The following RIF1 variants were observed in gnomAD, a reference collection of about 807,000 sequenced individuals.
RIF1 encodes replication timing regulatory factor 1.
A neutral mutation model predicts 247.1 loss-of-function variants in RIF1; 45 were observed. That is an observed-to-expected ratio of 0.18 (90% CI 0.14 to 0.23). The LOEUF is 0.23. Ranked by LOEUF, RIF1 falls within the 10% of genes least tolerant of loss-of-function variation. The probability of loss-of-function intolerance (pLI) is 1.00; values close to 1 mark genes in which losing one functional copy is unlikely to be tolerated. For synonymous variants in RIF1, 1,087 were observed against 978.8 expected (o/e 1.11, Z -2.06); for missense variants, 2,967 against 2,862.5 (o/e 1.04, Z -0.83).
At chr2:151,505,649 G>A (rs1352232779) in intron 12 of RIF1, 6 of 1,204,370 alleles carry the variant, frequency 5.0e-6, no homozygotes, top group Admixed American at 1.7e-5. Context: ...CATGTTTTTT[G>A]TAGCCCCCAA....
chr2:151,532,821 T>C, the RIF1 span, among the ~76,000 whole-genome samples: 1 of 152,200 alleles, frequency 6.6e-6, no homozygotes, highest in Non-Finnish European at 1.5e-5. Flanking sequence ...TCACTGTTTA[T>C]TGCTGCATCA....
At chr2:151,508,736 A>G (rs1409484359), downstream of RIF1, among the ~76,000 whole-genome samples, 1 of 152,180 alleles carries the variant, frequency 6.6e-6, no homozygotes, top group Non-Finnish European at 1.5e-5. Context: ...GAGCACTACT[A>G]AGGCCAGCTG....
At chr2:151,501,473 T>C in intron 11 of RIF1, 1 of 1,515,194 alleles carries the variant, frequency 6.6e-7, no homozygotes, top group Non-Finnish European at 8.9e-7. Flanking sequence ...CAAGTTCTCT[T>C]TGTACAATAT....
rs746031384 is a variant in RIF1 at position 151,493,776 on chromosome 2, G to A, written c.*416-1453G>A. 58 of 1,562,146 alleles carry A rather than the reference G, an allele frequency of 3.7e-5. No individual in the cohort carries two copies. The highest frequency in any genetic ancestry group is 1.2e-4 in the African/African-American group (9 of 74,026). Reference sequence around the variant, plus strand: ...ATTTATTTTTCCTTTCTAAAATACCGAGCTAAAGTTTTCTTGATTGCGTTT... The same window carrying A: ...ATTTATTTTTCCTTTCTAAAATACCAAGCTAAAGTTTTCTTGATTGCGTTT... On this transcript the variant is annotated intron_variant and NMD_transcript_variant, in intron 9 of 13. Transcript: ENST00000454583.
At chr2:151,432,381 C>T (rs1464169566) in intron 9 of RIF1, among the ~76,000 whole-genome samples, 1 of 152,140 alleles carries the variant, frequency 6.6e-6, no homozygotes, top group African/African-American at 2.4e-5. Context: ...CAGTCTTACT[C>T]ATTTGGCATA....
At chr2:151,495,587 CATAT>C (rs1401484666) in intron 10 of RIF1, among the ~76,000 whole-genome samples, 1 of 152,030 alleles carries the variant, frequency 6.6e-6, no homozygotes, top group East Asian at 1.9e-4. Flanking sequence ...AATTTACAAC[CATAT>C]ATAATGTCAC....
chr2:151,509,999 C>T (rs551325251), downstream of RIF1, among the ~76,000 whole-genome samples: 17 of 152,192 alleles, frequency 1.1e-4, no homozygotes, highest in Non-Finnish European at 2.4e-4. Flanking sequence ...CAGAGCTTAC[C>T]TTTTAAGCTA....
intron 3 of RIF1, among the ~76,000 whole-genome samples, chr2:151,414,088 G>A (rs1573841380): frequency 6.6e-6 from 1 of 152,262 alleles, no homozygotes; most frequent in African/African-American, 2.4e-5. Context: ...TGAGGCGGGT[G>A]GATCACCTGA....
chr2:151,459,129 G>C (rs550385318), intron 25 of RIF1, among the ~76,000 whole-genome samples: 3 of 152,220 alleles, frequency 2.0e-5, no homozygotes, highest in Admixed American at 2.0e-4. Flanking sequence ...TTGAACTCGG[G>C]TACCTCATCT....
At chr2:151,496,868 A>C in intron 10 of RIF1, 4 of 1,419,110 alleles carry the variant, frequency 2.8e-6, no homozygotes, top group Non-Finnish European at 3.9e-6. Flanking sequence ...AATAGGATTA[A>C]TATGTATTAT....
chr2:151,437,448 T>C, intron 13 of RIF1, 97 bp downstream of exon 13: 1 of 922,330 alleles, frequency 1.1e-6, no homozygotes, highest in Non-Finnish European at 1.7e-6. Flanking sequence ...CCCAGCACTT[T>C]GGGAGGCCGA....
chr2:151,488,673 T>A (rs2053382748), intron 9 of RIF1, among the ~76,000 whole-genome samples: 1 of 152,004 alleles, frequency 6.6e-6, no homozygotes, highest in Non-Finnish European at 1.5e-5. Context: ...TATTCTGTAT[T>A]ATTCTTTGTA....
chr2:151,471,783 T>G (rs1444466846), intron 34 of RIF1, among the ~76,000 whole-genome samples: 1 of 152,192 alleles, frequency 6.6e-6, no homozygotes, highest in Admixed American at 6.5e-5. Flanking sequence ...CCTTGTAGTA[T>G]AGTTTGAAGT....
At chr2:151,503,128 A>G in exon 12 of RIF1, 1 of 593,008 alleles carries the variant, frequency 1.7e-6, no homozygotes, top group Non-Finnish European at 3.0e-6. Flanking sequence ...TGTTAATTCT[A>G]CTTATAGTAT....
At chr2:151,498,225 T>TCA in intron 10 of RIF1, 1 of 1,550,252 alleles carries the variant, frequency 6.5e-7, no homozygotes, top group East Asian at 2.4e-5. Flanking sequence ...ATTCTGAAGT[T>TCA]AAGTGGCATT....
Position 151,480,155 on chromosome 2 carries a change from C to T in RIF1, c.*5084C>T, listed in dbSNP as rs1224905837. 3.3e-5 allele frequency: 5 copies of T among 152,050 alleles called. No homozygotes were observed. The South Asian group carries it at 6.2e-4, about 19-fold the overall frequency. The allele number at this position is 152,050 out of a possible 1,614,324, so 9.4% of individuals were successfully genotyped here. ...ATGTGTTATGGTAAGCTGTAAATAC[C>T]GTTGGAATAAAAGATAACCGTTCAT... On this transcript the variant is annotated 3_prime_UTR_variant, in exon 36 of 36. Transcript: ENST00000444746.
At chr2:151,411,743 C>T (rs894284980) in intron 3 of RIF1, among the ~76,000 whole-genome samples, 1 of 152,168 alleles carries the variant, frequency 6.6e-6, no homozygotes, top group Non-Finnish European at 1.5e-5. Flanking sequence ...GACTCAAAAG[C>T]TTTGAATCTA....
chr2:151,485,218 C>T (rs2049522781), downstream of RIF1: 1 of 152,298 alleles, frequency 6.6e-6, no homozygotes, highest in Middle Eastern at 3.4e-3. Context: ...TTAGGCATAA[C>T]AGTACATTTT....
the RIF1 span, among the ~76,000 whole-genome samples, chr2:151,519,250 TAAAC>T: frequency 6.6e-6 from 1 of 152,286 alleles, no homozygotes. Flanking sequence ...GATGAATGGA[TAAAC>T]AAAATGTGGC....
Sources: allele counts gnomAD v4.1 joint callset (sites outside exome capture counted in the v4.1 genomes callset), GRCh38; gene constraint gnomAD v4.1.1; transcripts MANE v1.5; gene names NCBI Gene and HGNC (gene_info 2026-07-23, HGNC 2026-07-21).